The following GPHN variants were observed in gnomAD, a reference collection of about 807,000 sequenced individuals.
The protein encoded by GPHN is gephyrin.
Under a neutral mutation model 95.5 loss-of-function variants are expected in GPHN, and 17 were observed. That is an observed-to-expected ratio of 0.18 (90% CI 0.12 to 0.27). The LOEUF (loss-of-function observed/expected upper bound fraction) is 0.27. Ranked by LOEUF, GPHN falls within the 10% of genes least tolerant of loss-of-function variation. The probability of loss-of-function intolerance (pLI) is 1.00; values close to 1 mark genes in which losing one functional copy is unlikely to be tolerated. For missense variants in GPHN, 660 were observed against 978.1 expected, an observed-to-expected ratio of 0.67 and a Z score of 4.34; for synonymous variants, 320 against 322.5, an observed-to-expected ratio of 0.99 and a Z score of 0.08.
chr14:66,557,236 GGTA>G (rs2060039557), intron 1 of GPHN, among the ~76,000 whole-genome samples: 2 of 130,980 alleles, frequency 1.5e-5, no homozygotes, highest in Admixed American at 1.5e-4. Context: ...TACATAGGTA[GGTA>G]GATAGATAGA....
chr14:66,598,238 G>T (rs2062066965), intron 1 of GPHN, among the ~76,000 whole-genome samples: 1 of 152,138 alleles, frequency 6.6e-6, no homozygotes, highest in Non-Finnish European at 1.5e-5. Context: ...ACAATATGTT[G>T]TATATTTGAA....
intron 4 of GPHN, among the ~76,000 whole-genome samples, chr14:66,838,811 A>G (rs2061963235): frequency 6.6e-6 from 1 of 152,148 alleles, no homozygotes; most frequent in South Asian, 2.1e-4. Context: ...ATAAAATGTA[A>G]TAAGATGACA....
At chr14:66,840,238 C>T (rs1396257083) in intron 4 of GPHN, among the ~76,000 whole-genome samples, 2 of 152,004 alleles carry the variant, frequency 1.3e-5, no homozygotes, top group Non-Finnish European at 2.9e-5. Flanking sequence ...AAGATTGCGC[C>T]ACTGCACTCC....
intron 9 of GPHN, among the ~76,000 whole-genome samples, chr14:67,003,063 G>A (rs1322262680): frequency 6.6e-6 from 1 of 151,428 alleles, no homozygotes; most frequent in African/African-American, 2.4e-5. Flanking sequence ...TTTTCATTCT[G>A]CCAGGTGACT....
chr14:67,716,019 C>A, the GPHN span, among the ~76,000 whole-genome samples: 1 of 152,016 alleles, frequency 6.6e-6, no homozygotes, highest in Non-Finnish European at 1.5e-5. Context: ...CATGGTGAAA[C>A]CCCGTCTCTA....
At chr14:67,336,421 A>G in the GPHN span, 1 of 209,504 alleles carries the variant, frequency 4.8e-6, no homozygotes, top group Non-Finnish European at 9.8e-6. Context: ...ATGCTAAACT[A>G]TAAAGTCATC....
the GPHN span, chr14:67,345,663 G>T: frequency 1.4e-6 from 1 of 689,752 alleles, no homozygotes; most frequent in Non-Finnish European, 2.5e-6. Flanking sequence ...CATGGGAACA[G>T]TTAAAAGTAC....
chr14:67,263,953 C>G, the GPHN span, among the ~76,000 whole-genome samples: 1 of 152,096 alleles, frequency 6.6e-6, no homozygotes, highest in Non-Finnish European at 1.5e-5. Context: ...ATGCTATTCA[C>G]AGGCATGATG....
the GPHN span, among the ~76,000 whole-genome samples, chr14:67,228,801 G>A: frequency 1.3e-5 from 2 of 152,236 alleles, no homozygotes; most frequent in African/African-American, 4.8e-5. Flanking sequence ...GGTCATTCAA[G>A]GTAGGGACTG....
intron 2 of GPHN, among the ~76,000 whole-genome samples, chr14:66,770,070 CTA>C (rs1427900516): frequency 6.6e-6 from 1 of 152,144 alleles, no homozygotes; most frequent in African/African-American, 2.4e-5. Context: ...TTGCATCTCT[CTA>C]ATGATCAGTG....
At chr14:66,987,651 C>G (rs1262675804) in intron 9 of GPHN, among the ~76,000 whole-genome samples, 1 of 151,878 alleles carries the variant, frequency 6.6e-6, no homozygotes, top group Admixed American at 6.6e-5. Flanking sequence ...TAGAAAATGT[C>G]AAAGTGAATC....
intron 3 of GPHN, among the ~76,000 whole-genome samples, chr14:66,819,688 A>G (rs1479230129): frequency 3.3e-5 from 5 of 151,862 alleles, no homozygotes; most frequent in Non-Finnish European, 7.4e-5. Context: ...TTATTTTTTT[A>G]ATGATACATA....
chr14:66,536,968 A>G (rs1434276388), intron 1 of GPHN, among the ~76,000 whole-genome samples: 1 of 152,130 alleles, frequency 6.6e-6, no homozygotes, highest in Non-Finnish European at 1.5e-5. Context: ...TTACGGTTGA[A>G]ATGACCTTTT....
chr14:66,696,803 G>T (rs1339474932), intron 2 of GPHN, among the ~76,000 whole-genome samples: 1 of 152,098 alleles, frequency 6.6e-6, no homozygotes, highest in Non-Finnish European at 1.5e-5. Flanking sequence ...ACTACTAAAT[G>T]AGTTAAATTT....
the GPHN span, among the ~76,000 whole-genome samples, chr14:67,363,771 A>C: frequency 6.4e-4 from 98 of 152,324 alleles, 1 homozygote; most frequent in East Asian, 0.019. Flanking sequence ...GGCAGGTGCC[A>C]ATTAATAAGT....
the GPHN span, among the ~76,000 whole-genome samples, chr14:67,325,033 C>G: frequency 1.8e-4 from 27 of 150,332 alleles, no homozygotes; most frequent in East Asian, 3.0e-3. Flanking sequence ...GCCTCCCTAG[C>G]AGCTGGGACT....
rs1031478905 is a variant in GPHN at position 66,772,294 on chromosome 14, T to C, written c.144-4170T>C. Reference sequence around the variant, plus strand: ...TTCTGGGAGAAGCCACAGTTAACCATAGGTGGGCCACAGTCCCATCTGATT... The same window carrying C: ...TTCTGGGAGAAGCCACAGTTAACCACAGGTGGGCCACAGTCCCATCTGATT... On this transcript the variant is annotated intron_variant, in intron 2 of 22. Transcript: ENST00000478722. Among the ~76,000 whole-genome samples, 8 of 152,314 alleles carry C rather than the reference T, an allele frequency of 5.3e-5. No individual in the cohort carries two copies. In the East Asian group the frequency reaches 1.3e-3, roughly 26 times the overall value.
chr14:67,062,596 C>G (rs1469162998), intron 11 of GPHN, among the ~76,000 whole-genome samples: 2 of 98,652 alleles, frequency 2.0e-5, no homozygotes, highest in Admixed American at 1.2e-4. Flanking sequence ...ACAGGGAACT[C>G]TATGAAGGAA....
At chr14:66,895,500 A>G (rs2064792165) in intron 5 of GPHN, among the ~76,000 whole-genome samples, 1 of 152,234 alleles carries the variant, frequency 6.6e-6, no homozygotes, top group Non-Finnish European at 1.5e-5. Context: ...TAGAGCTTAA[A>G]GTATAATTTT....
Sources: gnomAD v4.1 joint callset for allele counts (sites outside exome capture counted in the v4.1 genomes callset) on GRCh38, gnomAD v4.1.1 for gene constraint, MANE v1.5 for transcripts, NCBI Gene and HGNC (gene_info 2026-07-23, HGNC 2026-07-21) for gene names.